The following ZNF585A variants were observed in gnomAD, a reference collection of about 807,000 sequenced individuals.
ZNF585A encodes zinc finger protein 585A.
In ZNF585A, 9 loss-of-function variants were observed where a neutral mutation model predicts 14.9. The observed-to-expected ratio is 0.60, with a 90% CI of 0.36 to 1.05. The LOEUF (loss-of-function observed/expected upper bound fraction) is 1.05, where lower values mean the gene tolerates loss of function less well. ZNF585A is among the 50% of genes least tolerant of loss of function. The pLI is 0.01. For missense variants in ZNF585A, 726 were observed against 926.4 expected (o/e 0.78, Z 2.81); for synonymous variants, 276 against 319.9 (o/e 0.86, Z 1.46).
At position 37,162,748 on chromosome 19, in the gene ZNF585A, G is replaced by A. The variant is rs145609023; in HGVS notation, c.73-6393C>T. On this transcript the variant is annotated intron_variant, in intron 2 of 4. Transcript: ENST00000292841. ...CAGGAACGGAAACCAAATACCACAC[G>A]TTCTAACTTATAAGTGGGAGCTAAA... 2.1e-3 allele frequency among the ~76,000 whole-genome samples: 324 copies of A among 152,180 alleles called. 3 individuals carry two copies. Among genetic ancestry groups the A allele is most frequent in the African/African-American group, 7.4e-3 (306 of 41,500 alleles).
At chr19:37,162,247 A>G (rs1363000537) in intron 2 of ZNF585A, among the ~76,000 whole-genome samples, 1 of 152,182 alleles carries the variant, frequency 6.6e-6, no homozygotes, top group Non-Finnish European at 1.5e-5. Flanking sequence ...CTTAAAAGCT[A>G]CTTTTTTAAT....
chr19:37,155,805 C>A, intron 4 of ZNF585A, 60 bp downstream of exon 4: 1 of 1,582,202 alleles, frequency 6.3e-7, no homozygotes, highest in South Asian at 1.1e-5. Flanking sequence ...TGGTGTTTCT[C>A]AAGACAGCTG....
At chr19:37,165,020 T>A (rs1474748969) in intron 2 of ZNF585A, among the ~76,000 whole-genome samples, 4 of 152,120 alleles carry the variant, frequency 2.6e-5, no homozygotes, top group African/African-American at 9.7e-5. Context: ...AAATAAAATG[T>A]GGTAAATGGT....
At chr19:37,154,260 G>A (rs1971887763) in intron 4 of ZNF585A, among the ~76,000 whole-genome samples, 1 of 151,968 alleles carries the variant, frequency 6.6e-6, no homozygotes, top group Admixed American at 6.6e-5. Flanking sequence ...AAAAAGTAAG[G>A]CAAAAAACAC....
Position 37,152,317 on chromosome 19 carries a change from C to T in ZNF585A, c.1582G>A (p.Gly528Arg). The T allele has an allele frequency of 6.2e-7, 1 of 1,614,072 alleles. No homozygotes were observed. The highest frequency in any genetic ancestry group is 8.5e-7 in the Non-Finnish European group (1 of 1,180,018). ...GEKPYECNTC[G>R]KAFTQKSHLN... ...TGTGACTTCTGAGTGAAGGCTTTTCCACAAGTATTGCATTCATAAGGCTTC... is the reference window on the plus strand; with the variant it reads ...TGTGACTTCTGAGTGAAGGCTTTTCTACAAGTATTGCATTCATAAGGCTTC... Residue 528 changes from glycine (G) to arginine (R), a missense_variant, in exon 5 of 5, where the codon GGA becomes AGA. By Grantham distance (125) the Gly-to-Arg change is moderately radical (BLOSUM62 -2). Around this residue, in one of 2 missense-constraint regions of ZNF585A, gnomAD observed 243 missense variants for 383.6 expected, o/e 0.63. Coordinates refer to ENST00000292841, the MANE Select transcript of ZNF585A (RefSeq NM_001288800.2).
In ZNF585A at chr19:37,151,411, T is replaced by C. The variant is rs1246053362; in HGVS notation, c.*178A>G. On this transcript the variant is annotated 3_prime_UTR_variant, in exon 5 of 5. Transcript: ENST00000292841. ...AGGTTTACTGGGGATGGTGACAATG[T>C]AGGAAGGGTCCCTCGCCTCATTCAG... is the stretch of plus-strand genomic sequence containing the variant. The C allele has an allele frequency of 1.8e-6, 1 of 558,820 alleles. No individual in the cohort carries two copies. Among genetic ancestry groups the C allele is most frequent in the Non-Finnish European group, 3.2e-6 (1 of 317,410 alleles). The allele number at this position is 558,820 out of a possible 1,614,324, so 34.6% of individuals were successfully genotyped here.
At chr19:37,154,087 T>C (rs988463759) in intron 4 of ZNF585A, among the ~76,000 whole-genome samples, 1 of 151,864 alleles carries the variant, frequency 6.6e-6, no homozygotes, top group African/African-American at 2.4e-5. Context: ...GGCTAGGGGG[T>C]ATGGTACAAA....
intron 2 of ZNF585A, among the ~76,000 whole-genome samples, chr19:37,168,466 T>G (rs1292370591): frequency 1.3e-5 from 2 of 152,150 alleles, no homozygotes; most frequent in African/African-American, 4.8e-5. Flanking sequence ...ACTCTGTCAT[T>G]ATACTTGAGC....
chr19:37,166,511 A>C (rs1456755322), intron 2 of ZNF585A, among the ~76,000 whole-genome samples: 1 of 149,464 alleles, frequency 6.7e-6, no homozygotes, highest in Non-Finnish European at 1.5e-5. Flanking sequence ...ACAGAGTTCC[A>C]CCACGTTGGC....
At position 37,156,271 on chromosome 19, in the gene ZNF585A, G is replaced by A. The variant is rs201484462; in HGVS notation, c.157C>T (p.Arg53Trp). The change falls in exon 3 of 5, where the codon CGG (arginine) becomes TGG (tryptophan). Residue 53 changes from arginine (R) to tryptophan (W), a missense_variant. Arg to Trp is a moderately radical substitution (Grantham distance 101, BLOSUM62 -3). Around this residue, in one of 2 missense-constraint regions of ZNF585A, gnomAD observed 483 missense variants for 542.8 expected, o/e 0.89. Transcript: ENST00000292841. ...HLDPSQRNLYRDVMLETYSHL... is the reference protein window; with the variant it reads ...HLDPSQRNLYWDVMLETYSHL... ...CTGTAGGTCTCCAGCATCACATCCC[G>A]GTACAGGTTTCTCTGAGAAGGGTCC... The A allele has an allele frequency of 2.8e-5, 45 of 1,614,090 alleles. No homozygotes were observed. The highest frequency in any genetic ancestry group is 3.3e-5 in the Non-Finnish European group (39 of 1,180,022).
rs1337466454 is a variant in ZNF585A, at chr19:37,147,068, G to T, written c.*4521C>A. The T allele has an allele frequency of 6.6e-6, 1 of 152,180 alleles. No homozygotes were observed. Among genetic ancestry groups the T allele is most frequent in the African/African-American group, 2.4e-5 (1 of 41,418 alleles). 9.4% of individuals were successfully genotyped at this position (152,180 alleles called of 1,614,324 possible). A position where few individuals can be genotyped will look rare whatever the true frequency, so the allele number is the denominator to read the frequency against. On this transcript the variant is annotated 3_prime_UTR_variant, in exon 5 of 5. Coordinates refer to ENST00000292841, the MANE Select transcript of ZNF585A (RefSeq NM_001288800.2). The stretch of plus-strand genomic sequence containing the variant: ...GAGCTGGCACCGTGCTGGGCGCCTG[G>T]TATACAGCAGAAACAGGACAGACAA...
At chr19:37,161,854 G>T (rs181282849) in intron 2 of ZNF585A, among the ~76,000 whole-genome samples, 2 of 152,262 alleles carry the variant, frequency 1.3e-5, no homozygotes, top group Non-Finnish European at 2.9e-5. Context: ...GAGTGCACGA[G>T]CACACAGGAA....
intron 2 of ZNF585A, among the ~76,000 whole-genome samples, chr19:37,163,029 C>T (rs1235727360): frequency 3.9e-5 from 6 of 152,034 alleles, no homozygotes; most frequent in Non-Finnish European, 8.8e-5. Flanking sequence ...CTCTAGTTTT[C>T]TCTTCATCAC....
chr19:37,153,896 A>C (rs1469506514), intron 4 of ZNF585A, among the ~76,000 whole-genome samples: 1 of 152,146 alleles, frequency 6.6e-6, no homozygotes, highest in African/African-American at 2.4e-5. Flanking sequence ...ATAGCTCTCT[A>C]TTTGTCACCA....
Position 37,150,331 on chromosome 19 carries a change from A to T in ZNF585A, c.*1258T>A, listed in dbSNP as rs1971807452. The T allele has an allele frequency of 6.6e-6, 1 of 152,244 alleles. No homozygotes were observed. The highest frequency in any genetic ancestry group is 6.5e-5 in the Admixed American group (1 of 15,280). The allele number at this position is 152,244 out of a possible 1,614,324, so 9.4% of individuals were successfully genotyped here. ...CATCGTGAGGGAAAAATCAATAAGG[A>T]GGATCACAAGACATCCTGCTAGAGG... On this transcript the variant is annotated 3_prime_UTR_variant, in exon 5 of 5. Transcript: ENST00000292841.
At chr19:37,167,866 G>T (rs1434413987) in intron 2 of ZNF585A, among the ~76,000 whole-genome samples, 1 of 152,102 alleles carries the variant, frequency 6.6e-6, no homozygotes, top group Non-Finnish European at 1.5e-5. Context: ...TCCTGACCTT[G>T]TGATCCACCC....
At chr19:37,164,395 ACT>A (rs1972056666) in intron 2 of ZNF585A, among the ~76,000 whole-genome samples, 1 of 142,116 alleles carries the variant, frequency 7.0e-6, no homozygotes, top group Admixed American at 7.2e-5. Context: ...ACAGCAAGAC[ACT>A]GTCTCAAATT....
In ZNF585A at chr19:37,151,408, AT is replaced by A. The variant is rs1971826365; in HGVS notation, c.*180del. On this transcript the variant is annotated 3_prime_UTR_variant, in exon 5 of 5. Transcript: ENST00000292841. ...CCAAGGTTTACTGGGGATGGTGACA[AT>A]GTAGGAAGGGTCCCTCGCCTCATTC... 1.8e-6 allele frequency: 1 copy of A among 551,010 alleles called. No individual in the cohort carries two copies. The highest frequency in any genetic ancestry group is 3.3e-5 in the Admixed American group (1 of 30,576). 34.1% of individuals were successfully genotyped at this position (551,010 alleles called of 1,614,324 possible).
At chr19:37,156,483 T>C in intron 2 of ZNF585A, 128 bp from the exon 3 acceptor site, 1 of 1,250,572 alleles carries the variant, frequency 8.0e-7, no homozygotes, top group Non-Finnish European at 1.1e-6. Context: ...CTCACTCCCA[T>C]TTCTCTAATA....
Sources: gnomAD v4.1 joint callset for allele counts (sites outside exome capture counted in the v4.1 genomes callset) on GRCh38, gnomAD v4.1.1 for gene constraint, gnomAD v4.1.1 regional missense constraint, MANE v1.5 for transcripts, NCBI Gene and HGNC (gene_info 2026-07-23, HGNC 2026-07-21) for gene names.